The following FGF12 variants were observed in gnomAD, a reference collection of about 807,000 sequenced individuals.
FGF12 encodes the protein fibroblast growth factor 12B.
FGF12 carries 14 observed loss-of-function variants against 23.6 expected under a neutral mutation model. That is an observed-to-expected ratio of 0.59 (90% CI 0.39 to 0.93). The LOEUF (loss-of-function observed/expected upper bound fraction) is 0.93, where lower values mean the gene tolerates loss of function less well. FGF12 is among the 40% of genes least tolerant of loss of function. FGF12 has a pLI of 0.00. For synonymous variants in FGF12, 62 were observed against 77.3 expected (o/e 0.80, Z 1.04); for missense variants, 175 against 217.8 (o/e 0.80, Z 1.24).
chr3:192,332,116 C>A (rs73066597), intron 4 of FGF12, among the ~76,000 whole-genome samples: 15,495 of 152,052 alleles, frequency 0.1, 1,373 homozygotes, highest in African/African-American at 0.24. Context: ...TTAGCTATAA[C>A]ATAACTAATT....
intron 2 of FGF12, among the ~76,000 whole-genome samples, chr3:192,414,952 C>A (rs1393067456): frequency 6.6e-6 from 1 of 152,046 alleles, no homozygotes; most frequent in African/African-American, 2.4e-5. Context: ...AGATAGGGTA[C>A]TATGTTTTCT....
intron 3 of FGF12, among the ~76,000 whole-genome samples, chr3:192,350,400 C>T (rs189359221): frequency 6.8e-4 from 104 of 151,970 alleles, no homozygotes; most frequent in African/African-American, 2.4e-3. Flanking sequence ...AGTAAGAAGA[C>T]ATAATAAAAC....
At chr3:192,522,435 G>A (rs1724843886) in intron 2 of FGF12, among the ~76,000 whole-genome samples, 1 of 152,054 alleles carries the variant, frequency 6.6e-6, no homozygotes, top group South Asian at 2.1e-4. Flanking sequence ...AGATTTCAAG[G>A]ATAAAAATGT....
intron 4 of FGF12, among the ~76,000 whole-genome samples, chr3:192,212,593 G>A (rs1051560496): frequency 5.3e-5 from 8 of 152,104 alleles, no homozygotes; most frequent in African/African-American, 1.4e-4. Flanking sequence ...AATTTGCACA[G>A]TCAAAATGAA....
chr3:192,315,299 G>A (rs773988852), intron 4 of FGF12, among the ~76,000 whole-genome samples: 111 of 152,138 alleles, frequency 7.3e-4, no homozygotes, highest in Non-Finnish European at 1.3e-3. Context: ...TTTTCTCAGT[G>A]CTATATGTTC....
intron 2 of FGF12, among the ~76,000 whole-genome samples, chr3:192,688,302 A>G (rs1383287656): frequency 2.6e-5 from 4 of 151,864 alleles, no homozygotes; most frequent in Middle Eastern, 6.8e-3. Context: ...ATGGTGCCCC[A>G]CACCACTACA....
chr3:192,671,207 A>G (rs1717101735), intron 2 of FGF12, among the ~76,000 whole-genome samples: 1 of 152,222 alleles, frequency 6.6e-6, no homozygotes, highest in Non-Finnish European at 1.5e-5. Context: ...AGAGCTTTGA[A>G]GTTAGACAGC....
chr3:192,613,613 A>T (rs1355418754), intron 2 of FGF12, among the ~76,000 whole-genome samples: 1 of 151,936 alleles, frequency 6.6e-6, no homozygotes, highest in Non-Finnish European at 1.5e-5. Flanking sequence ...ATTTTATAAA[A>T]ATTTACAAAT....
chr3:192,488,072 T>C (rs967364289), intron 2 of FGF12, among the ~76,000 whole-genome samples: 9 of 152,128 alleles, frequency 5.9e-5, no homozygotes, highest in African/African-American at 2.2e-4. Context: ...TATCACTTTC[T>C]TCTCCAAACA....
At chr3:192,508,409 G>A (rs1724375373) in intron 2 of FGF12, among the ~76,000 whole-genome samples, 1 of 152,144 alleles carries the variant, frequency 6.6e-6, no homozygotes, top group South Asian at 2.1e-4. Flanking sequence ...ATTAGACAAA[G>A]AACAATAATT....
chr3:192,355,688 T>G (rs1718440138), intron 3 of FGF12, among the ~76,000 whole-genome samples: 1 of 152,188 alleles, frequency 6.6e-6, no homozygotes, highest in Non-Finnish European at 1.5e-5. Context: ...TGCCCCAGAT[T>G]GGATGCTCTA....
chr3:192,457,614 C>T (rs1722719646), intron 2 of FGF12, among the ~76,000 whole-genome samples: 1 of 152,132 alleles, frequency 6.6e-6, no homozygotes, highest in South Asian at 2.1e-4. Context: ...TTTTAAACAG[C>T]AAAAGCGTTC....
chr3:192,628,855 A>G (rs1012568887), intron 2 of FGF12, among the ~76,000 whole-genome samples: 1 of 151,842 alleles, frequency 6.6e-6, no homozygotes, highest in African/African-American at 2.4e-5. Context: ...ACACAATCCT[A>G]TCGGTTCCGT....
rs541881714 is a variant in FGF12 at position 192,578,610 on chromosome 3, T to C, written c.13+148571A>G. ...CCCACCTAACCTCAGAGACACCCAG[T>C]ACTTTTAGAGCCAAGTAATAGATAT... On this transcript the variant is annotated intron_variant, in intron 2 of 5. Coordinates refer to ENST00000445105, the MANE Select transcript of FGF12 (RefSeq NM_004113.6). 2.0e-5 allele frequency among the ~76,000 whole-genome samples: 3 copies of C among 152,346 alleles called. No individual in the cohort carries two copies. In the South Asian group the frequency reaches 6.2e-4, roughly 32 times the overall value.
intron 4 of FGF12, among the ~76,000 whole-genome samples, chr3:192,268,924 T>C (rs1172842396): frequency 6.6e-6 from 1 of 152,142 alleles, no homozygotes. Context: ...TTGTTTTTTA[T>C]TTTTTTGAGA....
chr3:192,164,382 G>C (rs1016923658), intron 5 of FGF12, among the ~76,000 whole-genome samples: 2 of 152,136 alleles, frequency 1.3e-5, no homozygotes, highest in Non-Finnish European at 2.9e-5. Context: ...CCATCTATCA[G>C]AATAGGTGAC....
intron 2 of FGF12, among the ~76,000 whole-genome samples, chr3:192,465,698 T>C (rs1722991309): frequency 6.6e-6 from 1 of 152,214 alleles, no homozygotes; most frequent in Non-Finnish European, 1.5e-5. Context: ...TACGTGACTG[T>C]CGCCCTCCCC....
At chr3:192,594,171 C>A in intron 2 of FGF12, among the ~76,000 whole-genome samples, 1 of 151,884 alleles carries the variant, frequency 6.6e-6, no homozygotes, top group East Asian at 1.9e-4. Flanking sequence ...ACACGGGGTG[C>A]ATAACTGGAC....
chr3:192,261,387 C>G (rs1017342991), intron 4 of FGF12, among the ~76,000 whole-genome samples: 1 of 152,154 alleles, frequency 6.6e-6, no homozygotes, highest in Non-Finnish European at 1.5e-5. Context: ...TAGTAAGAGA[C>G]TCTAAGAGGA....
Sources: allele counts gnomAD v4.1 joint callset (sites outside exome capture counted in the v4.1 genomes callset), GRCh38; gene constraint gnomAD v4.1.1; transcripts MANE v1.5; gene names NCBI Gene and HGNC (gene_info 2026-07-23, HGNC 2026-07-21).